The following TRERF1 variants were observed in gnomAD, a reference collection of about 807,000 sequenced individuals.
TRERF1 encodes the protein transcriptional-regulating factor 1.
TRERF1 carries 27 observed loss-of-function variants against 122.9 expected under a neutral mutation model. That is an observed-to-expected ratio of 0.22 (90% CI 0.16 to 0.30). The LOEUF (loss-of-function observed/expected upper bound fraction) is 0.30. TRERF1 is among the 10% of genes least tolerant of loss of function. The pLI, the probability that TRERF1 is intolerant of heterozygous loss-of-function variation, is 1.00. For synonymous variants in TRERF1, 636 were observed against 641.7 expected (o/e 0.99, Z 0.13); for missense variants, 1,248 against 1,560.3 (o/e 0.80, Z 3.37).
chr6:42,408,844 CT>C (rs1191305065), intron 2 of TRERF1, among the ~76,000 whole-genome samples: 2 of 152,062 alleles, frequency 1.3e-5, no homozygotes, highest in Non-Finnish European at 2.9e-5. Context: ...GTAAAACTAA[CT>C]TTTTAATACA....
intron 2 of TRERF1, among the ~76,000 whole-genome samples, chr6:42,400,124 G>A (rs555440287): frequency 5.0e-4 from 76 of 152,178 alleles, no homozygotes; most frequent in Middle Eastern, 6.3e-3. Flanking sequence ...GGATCCAGTC[G>A]TCTCCAAAGA....
upstream of TRERF1, chr6:42,452,159 G>A (rs1788666538): frequency 6.8e-6 from 1 of 146,068 alleles, no homozygotes; most frequent in South Asian, 2.2e-4. Context: ...TTTAAATCCA[G>A]GATGCAAATT....
intron 2 of TRERF1, among the ~76,000 whole-genome samples, chr6:42,384,154 C>T (rs1372780442): frequency 2.6e-5 from 4 of 151,994 alleles, no homozygotes; most frequent in South Asian, 2.1e-4. Context: ...CCTATATATG[C>T]AAAAACATAC....
At chr6:42,321,500 T>C (rs965037978) in intron 3 of TRERF1, among the ~76,000 whole-genome samples, 3 of 152,314 alleles carry the variant, frequency 2.0e-5, no homozygotes, top group South Asian at 2.1e-4. Context: ...AAAGTATCCA[T>C]AGTATATTAC....
At chr6:42,372,577 G>A (rs555440152) in intron 2 of TRERF1, among the ~76,000 whole-genome samples, 22 of 152,118 alleles carry the variant, frequency 1.4e-4, no homozygotes, top group Non-Finnish European at 2.9e-4. Context: ...GAAAACTCAC[G>A]ACCTAGGATT....
chr6:42,256,341 T>C (rs182615166), intron 12 of TRERF1, among the ~76,000 whole-genome samples: 119 of 152,202 alleles, frequency 7.8e-4, no homozygotes, highest in Non-Finnish European at 2.6e-4. Flanking sequence ...CTGATTTCCA[T>C]AGTAGGGAAG....
intron 2 of TRERF1, among the ~76,000 whole-genome samples, chr6:42,394,686 C>A (rs796884949): frequency 2.6e-5 from 4 of 151,890 alleles, no homozygotes; most frequent in African/African-American, 9.7e-5. Context: ...AATACTAATG[C>A]AAAAAAATTT....
At chr6:42,255,039 G>T in intron 12 of TRERF1, 113 bp from the exon 13 acceptor site, 2 of 993,196 alleles carry the variant, frequency 2.0e-6, no homozygotes, top group Non-Finnish European at 3.1e-6. Context: ...CAGGGGCGGG[G>T]GCACTGGAAG....
intron 2 of TRERF1, among the ~76,000 whole-genome samples, chr6:42,418,333 G>A (rs948443318): frequency 7.1e-6 from 1 of 140,194 alleles, no homozygotes; most frequent in African/African-American, 2.6e-5. Flanking sequence ...TCAATGGCGC[G>A]ATCTTGGCTC....
intron 4 of TRERF1, among the ~76,000 whole-genome samples, chr6:42,291,740 T>C (rs1294998849): frequency 6.7e-6 from 1 of 149,906 alleles, no homozygotes; most frequent in East Asian, 2.0e-4. Flanking sequence ...AGAGACGGGG[T>C]TTCACCATGT....
At chr6:42,370,537 T>C (rs1307205671) in intron 2 of TRERF1, among the ~76,000 whole-genome samples, 4 of 152,106 alleles carry the variant, frequency 2.6e-5, no homozygotes. Flanking sequence ...TCCCATCTCT[T>C]TAAACAAAAA....
intron 3 of TRERF1, among the ~76,000 whole-genome samples, chr6:42,358,139 A>T (rs1462939810): frequency 6.6e-6 from 1 of 152,196 alleles, no homozygotes; most frequent in Non-Finnish European, 1.5e-5. Context: ...CATACCATAC[A>T]ACTGAAAGTC....
At chr6:42,225,692 C>G (rs535448772) in exon 18 of TRERF1, 3 of 152,166 alleles carry the variant, frequency 2.0e-5, no homozygotes, top group South Asian at 2.1e-4. Flanking sequence ...CAATCACAAC[C>G]ACTATTTAAA....
At chr6:42,378,783 T>A (rs1011719897) in intron 2 of TRERF1, among the ~76,000 whole-genome samples, 2 of 152,168 alleles carry the variant, frequency 1.3e-5, no homozygotes, top group Admixed American at 6.5e-5. Flanking sequence ...GCTTTCAGCT[T>A]CCCCTCCCAA....
At chr6:42,305,271 G>A (rs113069930) in intron 3 of TRERF1, among the ~76,000 whole-genome samples, 7 of 152,232 alleles carry the variant, frequency 4.6e-5, no homozygotes, top group African/African-American at 1.7e-4. Context: ...CATATGACCA[G>A]TAAAGAGGCA....
intron 3 of TRERF1, among the ~76,000 whole-genome samples, chr6:42,325,445 A>G (rs896802739): frequency 6.6e-6 from 1 of 152,240 alleles, no homozygotes; most frequent in African/African-American, 2.4e-5. Context: ...ACCAAAAGAC[A>G]TATGCAACTC....
intron 4 of TRERF1, among the ~76,000 whole-genome samples, chr6:42,283,432 A>G (rs1330126387): frequency 6.6e-6 from 1 of 152,102 alleles, no homozygotes; most frequent in Non-Finnish European, 1.5e-5. Context: ...GAAAATCTGG[A>G]AGGATCCAAG....
intron 12 of TRERF1, 46 bp from the exon 13 acceptor site, chr6:42,254,972 G>T (rs1225704775): frequency 3.2e-6 from 5 of 1,585,278 alleles, no homozygotes; most frequent in African/African-American, 1.3e-5. Context: ...CAACTGGTCT[G>T]TGTGTCCTAT....
At chr6:42,366,609 T>C (rs77734556) in intron 2 of TRERF1, among the ~76,000 whole-genome samples, 4,590 of 152,328 alleles carry the variant, frequency 0.03, 227 homozygotes, top group African/African-American at 0.11. Context: ...ATATACTCTC[T>C]TCTTCCTTCT....
Sources: allele counts gnomAD v4.1 joint callset (sites outside exome capture counted in the v4.1 genomes callset), GRCh38; gene constraint gnomAD v4.1.1; transcripts MANE v1.5; gene names NCBI Gene and HGNC (gene_info 2026-07-23, HGNC 2026-07-21).